GRM8: variants seen among roughly 807,000 people sequenced by gnomAD.
GRM8 encodes the protein metabotropic glutamate receptor 8.
GRM8 carries 47 observed loss-of-function variants against 87.2 expected under a neutral mutation model. The observed-to-expected ratio is 0.54, with a 90% CI of 0.43 to 0.69. The LOEUF is 0.69. Ranked by LOEUF, GRM8 falls within the 30% of genes least tolerant of loss-of-function variation. The pLI is 0.00. For synonymous variants in GRM8, 396 were observed against 404.5 expected, an observed-to-expected ratio of 0.98 and a Z score of 0.25; for missense variants, 1,019 against 1,139.2, an observed-to-expected ratio of 0.89 and a Z score of 1.52.
intron 6 of GRM8, among the ~76,000 whole-genome samples, chr7:126,804,531 T>C (rs1269175671): frequency 6.6e-6 from 1 of 152,216 alleles, no homozygotes; most frequent in Non-Finnish European, 1.5e-5. Flanking sequence ...TCCTCTCCTG[T>C]CTCTTCTCTG....
intron 3 of GRM8, among the ~76,000 whole-genome samples, chr7:127,083,565 C>CTACCTCCT (rs1429950031): frequency 6.6e-6 from 1 of 151,984 alleles, no homozygotes; most frequent in Non-Finnish European, 1.5e-5. Context: ...TTCAAATGCC[C>CTACCTCCT]TACCTCCTTA....
At chr7:126,646,794 A>G (rs1373024652) in intron 7 of GRM8, among the ~76,000 whole-genome samples, 1 of 152,268 alleles carries the variant, frequency 6.6e-6, no homozygotes, top group Non-Finnish European at 1.5e-5. Flanking sequence ...TACTTGGCAC[A>G]TAGCAAAGAT....
intron 9 of GRM8, among the ~76,000 whole-genome samples, chr7:126,447,536 C>T (rs187782102): frequency 7.0e-4 from 106 of 152,032 alleles, no homozygotes; most frequent in Middle Eastern, 3.4e-3. Flanking sequence ...ATCTATCATA[C>T]TAGTTAGATC....
intron 7 of GRM8, among the ~76,000 whole-genome samples, chr7:126,690,892 C>T (rs746910371): frequency 6.6e-6 from 1 of 152,138 alleles, no homozygotes; most frequent in East Asian, 1.9e-4. Flanking sequence ...TTGCCTGAGT[C>T]GCTTGAATCC....
intron 2 of GRM8, among the ~76,000 whole-genome samples, chr7:127,143,815 T>A (rs1487374911): frequency 1.3e-5 from 2 of 152,168 alleles, no homozygotes; most frequent in Non-Finnish European, 2.9e-5. Context: ...TCTTTAATAT[T>A]TAATGGTCAT....
At chr7:126,926,218 A>C (rs556573561) in intron 3 of GRM8, among the ~76,000 whole-genome samples, 25 of 152,222 alleles carry the variant, frequency 1.6e-4, no homozygotes, top group Non-Finnish European at 3.2e-4. Context: ...AAAGTTAATA[A>C]AATTTTAAAT....
chr7:126,846,934 A>C lies in GRM8; in HGVS notation c.1156+55608T>G, dbSNP rs186221457. 3.8e-3 allele frequency among the ~76,000 whole-genome samples: 582 copies of C among 152,196 alleles called. 1 individual carries two copies. The highest frequency in any genetic ancestry group is 5.6e-3 in the Non-Finnish European group (384 of 68,030). ...CCTATTGCACCACAGTATAAAATGC[A>C]AGAAACCATATTCTCCATTTATTAA... On this transcript the variant is annotated intron_variant, in intron 6 of 10. Transcript: ENST00000339582.
At chr7:126,634,013 T>C (rs10276440) in intron 7 of GRM8, among the ~76,000 whole-genome samples, 3,145 of 152,204 alleles carry the variant, frequency 0.021, 125 homozygotes, top group African/African-American at 0.072. Flanking sequence ...TTTATTAGTA[T>C]ATTAGTTATC....
chr7:126,666,871 T>G (rs1805830528), intron 7 of GRM8, among the ~76,000 whole-genome samples: 1 of 152,212 alleles, frequency 6.6e-6, no homozygotes, highest in South Asian at 2.1e-4. Flanking sequence ...TAATTTGCTG[T>G]ACATATTTGC....
chr7:127,222,208 C>A (rs907928939), intron 2 of GRM8, among the ~76,000 whole-genome samples: 10 of 152,178 alleles, frequency 6.6e-5, no homozygotes, highest in Admixed American at 3.9e-4. Context: ...GAGTTCAAGG[C>A]CAGCCTGGCC....
chr7:126,975,088 A>C (rs558166662), intron 3 of GRM8, among the ~76,000 whole-genome samples: 59 of 152,278 alleles, frequency 3.9e-4, no homozygotes, highest in African/African-American at 1.4e-3. Context: ...CCAATATCAT[A>C]ATCAACCACC....
chr7:126,839,687 C>T (rs1355752408), intron 6 of GRM8, among the ~76,000 whole-genome samples: 1 of 152,116 alleles, frequency 6.6e-6, no homozygotes, highest in Admixed American at 6.6e-5. Flanking sequence ...GCTTAAAACA[C>T]ACTTTGTGCA....
At chr7:127,193,164 A>T (rs1795108739) in intron 2 of GRM8, among the ~76,000 whole-genome samples, 1 of 152,258 alleles carries the variant, frequency 6.6e-6, no homozygotes, top group Non-Finnish European at 1.5e-5. Flanking sequence ...ATTGAGCCTT[A>T]CTCAAAGTAA....
chr7:127,039,355 A>T (rs768105880), intron 3 of GRM8, among the ~76,000 whole-genome samples: 2 of 152,242 alleles, frequency 1.3e-5, no homozygotes, highest in South Asian at 4.1e-4. Context: ...ACACAGGGAG[A>T]AAAGAACCAT....
chr7:127,224,446 C>T (rs1218681503), intron 2 of GRM8, among the ~76,000 whole-genome samples: 1 of 152,084 alleles, frequency 6.6e-6, no homozygotes, highest in African/African-American at 2.4e-5. Context: ...AATTCTATAT[C>T]CAGAGAAAAT....
At chr7:126,861,456 T>C (rs1456490806) in intron 6 of GRM8, among the ~76,000 whole-genome samples, 1 of 152,070 alleles carries the variant, frequency 6.6e-6, no homozygotes, top group Admixed American at 6.6e-5. Context: ...TCAACATTAC[T>C]AGATATTGCT....
At chr7:127,007,072 G>A (rs3808130) in intron 3 of GRM8, among the ~76,000 whole-genome samples, 9,579 of 151,912 alleles carry the variant, frequency 0.063, 330 homozygotes, top group South Asian at 0.12. Context: ...AAAATTCTAC[G>A]TTGGAGAGAA....
At chr7:126,578,932 A>C (rs2151005886) in intron 8 of GRM8, among the ~76,000 whole-genome samples, 1 of 152,294 alleles carries the variant, frequency 6.6e-6, no homozygotes, top group Admixed American at 6.5e-5. Context: ...TGTTGTCATA[A>C]CCCTACAAGG....
chr7:127,144,345 C>T (rs141059260), intron 2 of GRM8, among the ~76,000 whole-genome samples: 19 of 152,178 alleles, frequency 1.2e-4, no homozygotes, highest in East Asian at 1.2e-3. Flanking sequence ...CAATCCCCCA[C>T]GACTTGTGTT....
Sources: allele counts gnomAD v4.1 joint callset (sites outside exome capture counted in the v4.1 genomes callset), GRCh38; gene constraint gnomAD v4.1.1; transcripts MANE v1.5; gene names NCBI Gene and HGNC (gene_info 2026-07-23, HGNC 2026-07-21).